GRIA4: variants seen among roughly 807,000 people sequenced by gnomAD.
GRIA4 encodes glutamate receptor 4.
In GRIA4, 34 loss-of-function variants were observed where a neutral mutation model predicts 104.0. The observed-to-expected ratio is 0.33, with a 90% CI of 0.25 to 0.44. The LOEUF (loss-of-function observed/expected upper bound fraction) is 0.44, where lower values mean the gene tolerates loss of function less well. Ranked by LOEUF, GRIA4 falls within the 20% of genes least tolerant of loss-of-function variation. The pLI is 1.00. For missense variants in GRIA4, 750 were observed against 1,096.5 expected, an observed-to-expected ratio of 0.68 and a Z score of 4.46; for synonymous variants, 386 against 381.9, an observed-to-expected ratio of 1.01 and a Z score of -0.13.
At chr11:105,975,217 T>C (rs2077842) in intron 16 of GRIA4, among the ~76,000 whole-genome samples, 3,593 of 152,296 alleles carry the variant, frequency 0.024, 53 homozygotes, top group Middle Eastern at 0.041. Context: ...AATTCAACTT[T>C]TATGCTCAAA....
intron 4 of GRIA4, among the ~76,000 whole-genome samples, chr11:105,800,902 T>C (rs1005064187): frequency 5.3e-5 from 8 of 151,972 alleles, no homozygotes; most frequent in Admixed American, 2.0e-4. Flanking sequence ...ATTTAAAATA[T>C]AGGATAGGTG....
intron 3 of GRIA4, among the ~76,000 whole-genome samples, chr11:105,624,292 G>A (rs1950829397): frequency 6.6e-6 from 1 of 152,058 alleles, no homozygotes; most frequent in Non-Finnish European, 1.5e-5. Flanking sequence ...ATAACATTTA[G>A]TGTCTGCTGA....
At chr11:105,742,851 C>T (rs924180800) in intron 3 of GRIA4, among the ~76,000 whole-genome samples, 2 of 152,082 alleles carry the variant, frequency 1.3e-5, no homozygotes, top group African/African-American at 4.8e-5. Flanking sequence ...ATTCTCCTGC[C>T]TAAGCCTCCT....
chr11:105,949,694 C>T (rs948256246), intron 14 of GRIA4, among the ~76,000 whole-genome samples: 2 of 151,966 alleles, frequency 1.3e-5, no homozygotes, highest in African/African-American at 2.4e-5. Flanking sequence ...TGAGTGATTA[C>T]TGGAAAATGT....
chr11:105,797,741 C>A (rs1942543726), intron 4 of GRIA4: 1 of 450,154 alleles, frequency 2.2e-6, no homozygotes, highest in Admixed American at 2.4e-5. Flanking sequence ...GTAATCAGTA[C>A]CACACCATTG....
chr11:105,878,908 T>A (rs1212615212), intron 5 of GRIA4, among the ~76,000 whole-genome samples: 4 of 152,180 alleles, frequency 2.6e-5, no homozygotes, highest in Non-Finnish European at 4.4e-5. Flanking sequence ...AATGGTTCTG[T>A]CTCACTGGCA....
chr11:105,687,677 C>T (rs768366913), intron 3 of GRIA4, among the ~76,000 whole-genome samples: 2 of 152,104 alleles, frequency 1.3e-5, no homozygotes, highest in Non-Finnish European at 2.9e-5. Flanking sequence ...AGAATTATGA[C>T]GATGGGTCAG....
intron 3 of GRIA4, among the ~76,000 whole-genome samples, chr11:105,646,322 G>T (rs941070284): frequency 6.6e-6 from 1 of 152,134 alleles, no homozygotes; most frequent in Non-Finnish European, 1.5e-5. Flanking sequence ...AGATGGACGT[G>T]GTGGCTCCAC....
At position 105,612,406 on chromosome 11, in the gene GRIA4, A is replaced by T. The variant is rs777918745; in HGVS notation, c.219A>T (p.Thr73=). Residue 73 remains threonine, a synonymous_variant, in exon 3 of 17, where the codon ACA becomes ACT. Transcript: ENST00000282499. ...NLVPHVDNIE[T]ANSFAVTNAF... The stretch of plus-strand genomic sequence containing the variant: ...TACCTCATGTGGACAACATTGAGAC[A>T]GCCAACAGTTTTGCTGTAACAAACG... The T allele has an allele frequency of 1.2e-6, 2 of 1,614,156 alleles. No individual in the cohort carries two copies. Among genetic ancestry groups the T allele is most frequent in the East Asian group, 4.5e-5 (2 of 44,872 alleles).
intron 3 of GRIA4, among the ~76,000 whole-genome samples, chr11:105,652,376 C>A (rs1049563152): frequency 6.6e-6 from 1 of 152,074 alleles, no homozygotes; most frequent in African/African-American, 2.4e-5. Context: ...TCTAAACTGA[C>A]TCGAGGTAGG....
rs1859251575 is a variant in GRIA4, at chr11:105,981,585, ACACAC to A, written c.*1847_*1851del. ...CACACACACACACACACACACACAC[ACACAC>A]AAGTCCCTCAGGAAAAATTCCAAGC... On this transcript the variant is annotated 3_prime_UTR_variant, in exon 17 of 17. Transcript: ENST00000282499. 6.5e-6 allele frequency: 1 copy of A among 154,316 alleles called. No individual in the cohort carries two copies. Among genetic ancestry groups the A allele is most frequent in the African/African-American group, 2.4e-5 (1 of 41,224 alleles). The allele number at this position is 154,316 out of a possible 1,614,324, so 9.6% of individuals were successfully genotyped here.
chr11:105,721,725 T>C (rs1393848021), intron 3 of GRIA4, among the ~76,000 whole-genome samples: 1 of 152,146 alleles, frequency 6.6e-6, no homozygotes, highest in African/African-American at 2.4e-5. Context: ...TTATCTCCCT[T>C]CTGCGTGGAA....
chr11:105,846,478 T>C (rs954292805), intron 4 of GRIA4, among the ~76,000 whole-genome samples: 13 of 152,242 alleles, frequency 8.5e-5, no homozygotes, highest in Middle Eastern at 6.8e-3. Flanking sequence ...TGAACATATA[T>C]GTAATTACAT....
chr11:105,631,117 T>C (rs530895963), intron 3 of GRIA4, among the ~76,000 whole-genome samples: 1 of 152,204 alleles, frequency 6.6e-6, no homozygotes, highest in African/African-American at 2.4e-5. Context: ...TTTCTGTGTC[T>C]AAAGTAAGAT....
intron 14 of GRIA4, among the ~76,000 whole-genome samples, chr11:105,942,483 T>C (rs2136226670): frequency 6.6e-6 from 1 of 152,200 alleles, no homozygotes; most frequent in South Asian, 2.1e-4. Context: ...TATATATTTT[T>C]CACATGGTAT....
chr11:105,974,757 C>A, intron 16 of GRIA4: 1 of 510,810 alleles, frequency 2.0e-6, no homozygotes, highest in Non-Finnish European at 3.5e-6. Context: ...ATCTGCATTG[C>A]AAGGGTCAGA....
chr11:105,640,664 T>G (rs940921157), intron 3 of GRIA4, among the ~76,000 whole-genome samples: 2 of 151,968 alleles, frequency 1.3e-5, no homozygotes, highest in African/African-American at 4.8e-5. Flanking sequence ...ACCACATTTC[T>G]ACTTATTTCT....
rs575282253 is a variant in GRIA4, at chr11:105,905,474, T to C, written c.1158+173T>C. Among the ~76,000 whole-genome samples the C allele has an allele frequency of 2.2e-4, 34 of 152,338 alleles. 2 individuals carry two copies. The South Asian group carries it at 7.0e-3, about 32-fold the overall frequency. On this transcript the variant is annotated intron_variant, in intron 9 of 16. Transcript: ENST00000282499. ...TGTGATAAATGTGTGTGTCATGTAA[T>C]TGTATTTAGTAGTGTGCCCAAGCTG...
At chr11:105,691,094 C>T (rs866346920) in intron 3 of GRIA4, among the ~76,000 whole-genome samples, 1 of 152,000 alleles carries the variant, frequency 6.6e-6, no homozygotes, top group Non-Finnish European at 1.5e-5. Flanking sequence ...TGCGTGCAAA[C>T]ATGTGTGGAG....
Sources: allele counts gnomAD v4.1 joint callset (sites outside exome capture counted in the v4.1 genomes callset), GRCh38; gene constraint gnomAD v4.1.1; transcripts MANE v1.5; gene names NCBI Gene and HGNC (gene_info 2026-07-23, HGNC 2026-07-21).